Variants in DNAH3 observed in about 807,000 individuals in gnomAD.
The protein encoded by DNAH3 is axonemal beta dynein heavy chain 3.
A neutral mutation model predicts 432.5 loss-of-function variants in DNAH3; 332 were observed. The observed-to-expected ratio is 0.77, with a 90% CI of 0.70 to 0.84. The LOEUF is 0.84. Ranked by LOEUF, DNAH3 falls within the 40% of genes least tolerant of loss-of-function variation. The pLI is 0.00. For missense variants in DNAH3, 4,861 were observed against 5,114.0 expected (o/e 0.95, Z 1.51); for synonymous variants, 1,956 against 1,900.2 (o/e 1.03, Z -0.76).
chr16:21,111,860 C>T (rs1432657450), intron 13 of DNAH3, 56 bp from the exon 14 acceptor site: 1 of 1,591,030 alleles, frequency 6.3e-7, no homozygotes, highest in Non-Finnish European at 8.6e-7. Flanking sequence ...CTCCCACTTG[C>T]CCCCAGCCTA....
chr16:21,053,314 G>A (rs1333524646), intron 28 of DNAH3, among the ~76,000 whole-genome samples: 1 of 152,102 alleles, frequency 6.6e-6, no homozygotes, highest in African/African-American at 2.4e-5. Context: ...AATATATAGG[G>A]GAACCACCTG....
At chr16:21,022,796 G>A (rs893001641) in intron 39 of DNAH3, among the ~76,000 whole-genome samples, 2 of 150,526 alleles carry the variant, frequency 1.3e-5, no homozygotes, top group Non-Finnish European at 2.9e-5. Flanking sequence ...CAAGGCTGGA[G>A]TGCAATGGTG....
chr16:21,013,612 G>T (rs567991923), intron 41 of DNAH3, among the ~76,000 whole-genome samples: 4 of 151,504 alleles, frequency 2.6e-5, no homozygotes, highest in Non-Finnish European at 4.4e-5. Flanking sequence ...CCAGCTACTC[G>T]GGAGGCTGAG....
intron 41 of DNAH3, among the ~76,000 whole-genome samples, chr16:21,008,745 C>T (rs949577861): frequency 2.0e-5 from 3 of 152,174 alleles, no homozygotes; most frequent in Admixed American, 2.0e-4. Flanking sequence ...CTGCTTTCCT[C>T]TCCCCATCAC....
chr16:21,146,787 G>A (rs2092789977), intron 1 of DNAH3, among the ~76,000 whole-genome samples: 1 of 148,118 alleles, frequency 6.8e-6, no homozygotes, highest in South Asian at 2.1e-4. Flanking sequence ...TTGAGATGGA[G>A]TCTTGCTCTG....
At chr16:20,986,889 T>C (rs575711984) in intron 47 of DNAH3, among the ~76,000 whole-genome samples, 5 of 152,306 alleles carry the variant, frequency 3.3e-5, no homozygotes, top group Admixed American at 2.0e-4. Context: ...TTTTCTTATA[T>C]GGAAATGGAA....
At chr16:21,042,424 A>G (rs1459565369) in intron 31 of DNAH3, among the ~76,000 whole-genome samples, 2 of 152,134 alleles carry the variant, frequency 1.3e-5, no homozygotes, top group Non-Finnish European at 2.9e-5. Flanking sequence ...TAGTTTCCAT[A>G]GTACTTTATC....
chr16:21,127,560 CA>C (rs878966644), intron 8 of DNAH3, 126 bp downstream of exon 9: 100,085 of 862,418 alleles, frequency 0.12, no homozygotes, highest in South Asian at 0.18. Context: ...GACTCTGTCT[CA>C]AAAAAAAAAA....
chr16:21,037,688 G>T, intron 34 of DNAH3, 73 bp downstream of exon 34: 1 of 1,311,954 alleles, frequency 7.6e-7, no homozygotes, highest in Non-Finnish European at 1.1e-6. Flanking sequence ...GTATGGGGAA[G>T]GCACCAAACA....
intron 47 of DNAH3, 116 bp downstream of exon 47, chr16:20,987,189 G>A (rs2086238619): frequency 7.8e-7 from 1 of 1,276,946 alleles, no homozygotes; most frequent in Non-Finnish European, 1.1e-6. Flanking sequence ...TGTTTCCCGA[G>A]ATTCAGAGTG....
At chr16:21,068,068 A>G (rs1157452029) in intron 23 of DNAH3, among the ~76,000 whole-genome samples, 1 of 152,204 alleles carries the variant, frequency 6.6e-6, no homozygotes, top group African/African-American at 2.4e-5. Flanking sequence ...CACTCCCACA[A>G]ACAAAGCAGG....
chr16:21,134,463 G>T lies in DNAH3; in HGVS notation c.887-9C>A. 6.2e-7 allele frequency: 1 copy of T among 1,612,316 alleles called. No individual in the cohort carries two copies. On this transcript the variant is annotated splice_polypyrimidine_tract_variant and intron_variant, in intron 6 of 61. Coordinates refer to ENST00000261383, the Ensembl canonical transcript of DNAH3. Reference sequence around the variant, plus strand: ...CATGAGGATGTAATCAACTACAACCGGAAAGGGCGAACACCTCATTATTAA... The same window carrying T: ...CATGAGGATGTAATCAACTACAACCTGAAAGGGCGAACACCTCATTATTAA...
In DNAH3 at chr16:21,159,264, T is replaced by A. The variant is rs963682342; in HGVS notation, c.117+61A>T. The A allele has an allele frequency of 2.9e-5, 41 of 1,396,152 alleles. No homozygotes were observed. In the South Asian group the frequency reaches 3.2e-4, roughly 11 times the overall value. The allele number at this position is 1,396,152 out of a possible 1,614,324, so 86.5% of individuals were successfully genotyped here. Reference sequence around the variant, plus strand: ...CCAAATTAATAACTAAGTACTCGACTCCCCTCTGAGTTCCCATTATTCAGT... The same window carrying A: ...CCAAATTAATAACTAAGTACTCGACACCCCTCTGAGTTCCCATTATTCAGT... On this transcript the variant is annotated intron_variant, in intron 1 of 61. Transcript: ENST00000261383.
chr16:21,086,941 T>C (rs2091395319), exon 19 of DNAH3: 1 of 1,614,198 alleles, frequency 6.2e-7, no homozygotes, highest in Non-Finnish European at 8.5e-7. Context: ...ATCTTCACAT[T>C]CTCTGCTAAG....
intron 55 of DNAH3, 126 bp from the exon 56 acceptor site, chr16:20,952,675 C>T (rs2084369282): frequency 1.5e-6 from 1 of 646,504 alleles, no homozygotes; most frequent in Non-Finnish European, 2.8e-6. Flanking sequence ...GAATATCAAG[C>T]ACCGAGGCCA....
chr16:21,023,786 G>GGGGTGTGTGTGTGT (rs1555530933), intron 39 of DNAH3, among the ~76,000 whole-genome samples: 1 of 146,384 alleles, frequency 6.8e-6, no homozygotes, highest in Admixed American at 6.9e-5. Context: ...CAGCTTTTGG[G>GGGGTGTGTGTGTGT]GTGTGTGTGT....
exon 48 of DNAH3, chr16:20,985,321 T>G: frequency 6.2e-7 from 1 of 1,614,248 alleles, no homozygotes; most frequent in Non-Finnish European, 8.5e-7. Flanking sequence ...TATGATCTTC[T>G]TAAGATCTTC....
intron 50 of DNAH3, among the ~76,000 whole-genome samples, chr16:20,978,075 C>G (rs963357028): frequency 6.6e-6 from 1 of 152,166 alleles, no homozygotes; most frequent in Non-Finnish European, 1.5e-5. Flanking sequence ...CCTAGTACAG[C>G]TTTCATTTTA....
chr16:21,016,084 T>C (rs2087842997), intron 41 of DNAH3, among the ~76,000 whole-genome samples: 1 of 151,988 alleles, frequency 6.6e-6, no homozygotes, highest in African/African-American at 2.4e-5. Flanking sequence ...CCACTGTGCC[T>C]GGCCGAGATA....
Sources: allele counts gnomAD v4.1 joint callset (sites outside exome capture counted in the v4.1 genomes callset), GRCh38; gene constraint gnomAD v4.1.1; transcripts MANE v1.5; gene names NCBI Gene and HGNC (gene_info 2026-07-23, HGNC 2026-07-21).